RTN1: variants seen among roughly 807,000 people sequenced by gnomAD.
The protein encoded by RTN1 is reticulon-1.
Under a neutral mutation model 65.5 loss-of-function variants are expected in RTN1, and 25 were observed. That is an observed-to-expected ratio of 0.38 (90% confidence interval 0.28 to 0.53). The LOEUF (loss-of-function observed/expected upper bound fraction) is 0.53, where lower values mean the gene tolerates loss of function less well. Ranked by LOEUF, RTN1 falls within the 20% of genes least tolerant of loss-of-function variation. RTN1 has a pLI of 0.79. For missense variants in RTN1, 983 were observed against 1,025.4 expected, an observed-to-expected ratio of 0.96 and a Z score of 0.57; for synonymous variants, 471 against 447.6, an observed-to-expected ratio of 1.05 and a Z score of -0.66.
intron 1 of RTN1, among the ~76,000 whole-genome samples, chr14:59,751,713 G>T (rs1230719403): frequency 1.3e-5 from 2 of 152,116 alleles, no homozygotes; most frequent in Non-Finnish European, 2.9e-5. Context: ...CCACCACAGG[G>T]CTCCTGGCCC....
chr14:59,603,985 A>C, intron 5 of RTN1, 64 bp from the exon 6 acceptor site: 5 of 1,284,290 alleles, frequency 3.9e-6, no homozygotes, highest in Non-Finnish European at 5.6e-6. Context: ...GTCTCATATC[A>C]TTGACTTTTA....
chr14:59,765,343 A>G (rs1156814256), intron 1 of RTN1, among the ~76,000 whole-genome samples: 1 of 152,238 alleles, frequency 6.6e-6, no homozygotes, highest in Non-Finnish European at 1.5e-5. Context: ...TCAGACCTGA[A>G]GAGATTTAAG....
intron 5 of RTN1, chr14:59,605,063 G>A (rs1042881650): frequency 4.9e-6 from 1 of 203,972 alleles, no homozygotes; most frequent in Non-Finnish European, 9.7e-6. Context: ...AACTAAAAAT[G>A]GTTTAAGGAG....
Position 59,846,505 on chromosome 14 carries a change from C to A in RTN1, c.241+23885G>T, listed in dbSNP as rs377121909. ...CTCAGTATTCACCTCAGAGTCCCTA[C>A]CCAGACACCCTTCTGTTCAGTGTTT... On this transcript the variant is annotated intron_variant, in intron 1 of 8. Transcript: ENST00000267484. The surrounding 1 kb of genome is among the most constrained non-coding windows in gnomAD (Gnocchi z 4.8). Among the ~76,000 whole-genome samples the A allele has an allele frequency of 6.6e-6, 1 of 152,030 alleles. No individual in the cohort carries two copies. The highest frequency in any genetic ancestry group is 1.9e-4 in the East Asian group (1 of 5,190).
intron 3 of RTN1, among the ~76,000 whole-genome samples, chr14:59,679,416 A>G (rs976869297): frequency 2.0e-4 from 30 of 152,116 alleles, no homozygotes; most frequent in Non-Finnish European, 3.5e-4. Flanking sequence ...AACTTTTCTC[A>G]ATCCAGACTC....
chr14:59,600,858 T>G (rs1595106243), intron 8 of RTN1, among the ~76,000 whole-genome samples: 5 of 152,328 alleles, frequency 3.3e-5, no homozygotes, highest in Admixed American at 3.3e-4. Context: ...TTGTATATAC[T>G]TTATATTCTC....
At chr14:59,655,860 A>G (rs1177439545) in intron 3 of RTN1, among the ~76,000 whole-genome samples, 3 of 152,244 alleles carry the variant, frequency 2.0e-5, no homozygotes, top group South Asian at 2.1e-4. Context: ...AAGACCAAAT[A>G]TAAGACATAA....
intron 1 of RTN1, among the ~76,000 whole-genome samples, chr14:59,809,868 T>TA (rs1250155786): frequency 6.6e-6 from 1 of 152,110 alleles, no homozygotes; most frequent in Non-Finnish European, 1.5e-5. Context: ...TTTTTATATT[T>TA]AAAAAAATTG....
intron 1 of RTN1, among the ~76,000 whole-genome samples, chr14:59,858,314 A>G (rs1887645555): frequency 6.6e-6 from 1 of 152,216 alleles, no homozygotes; most frequent in Non-Finnish European, 1.5e-5. Flanking sequence ...ATGTTGGAGC[A>G]GGTAGTTTAT....
Position 59,820,356 on chromosome 14 carries a change from GTTTT to G in RTN1, c.241+50030_241+50033del, listed in dbSNP as rs34274539. Among the ~76,000 whole-genome samples, 423 of 79,308 alleles carry G rather than the reference GTTTT, an allele frequency of 5.3e-3. 2 individuals carry two copies. The highest frequency in any genetic ancestry group is 0.019 in the African/African-American group (400 of 21,192). 52.0% of individuals were successfully genotyped at this position (79,308 alleles called of 152,430 possible). On this transcript the variant is annotated intron_variant, in intron 1 of 8. Coordinates refer to ENST00000267484, the MANE Select transcript of RTN1 (RefSeq NM_021136.3). ...TCTGTAGGCTGTCTGCTTATTGATA[GTTTT>G]TTTTTTTTTTTTTTTTTTTGCTGTG...
intron 1 of RTN1, among the ~76,000 whole-genome samples, chr14:59,833,600 T>C (rs542213746): frequency 6.6e-6 from 1 of 152,270 alleles, no homozygotes; most frequent in African/African-American, 2.4e-5. Flanking sequence ...TTGTGTGTCC[T>C]GGGAGTTTGG....
At chr14:59,625,096 G>A (rs985791377) in intron 3 of RTN1, among the ~76,000 whole-genome samples, 2 of 152,180 alleles carry the variant, frequency 1.3e-5, no homozygotes, top group African/African-American at 4.8e-5. Context: ...GGGAGGGAAG[G>A]AGGGAAAGAG....
At chr14:59,626,818 C>G (rs575800342) in intron 3 of RTN1, among the ~76,000 whole-genome samples, 8 of 152,258 alleles carry the variant, frequency 5.3e-5, no homozygotes, top group Non-Finnish European at 1.2e-4. Flanking sequence ...TGGCACGTAG[C>G]TAATATTTAC....
intron 1 of RTN1, among the ~76,000 whole-genome samples, chr14:59,795,159 C>A (rs556926626): frequency 1.3e-5 from 2 of 152,224 alleles, no homozygotes; most frequent in South Asian, 2.1e-4. Context: ...TGGCTAATTT[C>A]AATATTCTGT....
chr14:59,608,316 G>A (rs987889201), intron 3 of RTN1, among the ~76,000 whole-genome samples: 4 of 152,186 alleles, frequency 2.6e-5, no homozygotes, highest in Admixed American at 6.5e-5. Context: ...AAGTGGTAGT[G>A]GTTTGTACTG....
At chr14:59,659,657 A>G (rs979588899) in intron 3 of RTN1, among the ~76,000 whole-genome samples, 5 of 152,208 alleles carry the variant, frequency 3.3e-5, no homozygotes, top group Non-Finnish European at 5.9e-5. Context: ...ATAAGTGAAG[A>G]AGAAATAAAA....
intron 3 of RTN1, among the ~76,000 whole-genome samples, chr14:59,656,690 C>A (rs1177055731): frequency 1.3e-5 from 2 of 152,224 alleles, no homozygotes; most frequent in African/African-American, 2.4e-5. Context: ...AACTCCCTGG[C>A]AACCTGAATT....
chr14:59,596,813 T>C, intron 8 of RTN1, 26 bp from the exon 9 acceptor site: 3 of 1,589,268 alleles, frequency 1.9e-6, no homozygotes, highest in Non-Finnish European at 2.6e-6. Flanking sequence ...CAAAAGGTAG[T>C]AAATCACAAG....
At chr14:59,635,675 T>G (rs1309032494) in intron 3 of RTN1, among the ~76,000 whole-genome samples, 1 of 152,112 alleles carries the variant, frequency 6.6e-6, no homozygotes. Context: ...ATATAACTTC[T>G]AAATAAATAA....
Sources: gnomAD v4.1 joint callset for allele counts (sites outside exome capture counted in the v4.1 genomes callset) on GRCh38, gnomAD v4.1.1 for gene constraint, Gnocchi (gnomAD v3.1) non-coding constraint, MANE v1.5 for transcripts, NCBI Gene and HGNC (gene_info 2026-07-23, HGNC 2026-07-21) for gene names.